The following ARNT2 variants were observed in gnomAD, a reference collection of about 807,000 sequenced individuals.
ARNT2 encodes aryl hydrocarbon receptor nuclear translocator 2, also known as ARNT protein 2.
In ARNT2, 36 loss-of-function variants were observed where a neutral mutation model predicts 91.7. That is an observed-to-expected ratio of 0.39 (90% CI 0.30 to 0.52). The LOEUF (loss-of-function observed/expected upper bound fraction) is 0.52. ARNT2 is among the 20% of genes least tolerant of loss of function. The pLI, the probability that ARNT2 is intolerant of heterozygous loss-of-function variation, is 0.72. For synonymous variants in ARNT2, 365 were observed against 347.1 expected (o/e 1.05, Z -0.57); for missense variants, 775 against 939.3 (o/e 0.83, Z 2.29).
rs746421167 is a variant in ARNT2, at chr15:80,552,703, C to T, written c.1018C>T (p.Arg340Trp). The change falls in exon 10 of 19, where the codon CGG becomes TGG. Residue 340 changes from arginine (R) to tryptophan (W), a missense_variant. Coordinates refer to ENST00000303329, the MANE Select transcript of ARNT2 (RefSeq NM_014862.4). Reference protein sequence around the residue: ...GMSVPTEFLSRHNSDGIITFV... With the variant: ...GMSVPTEFLSWHNSDGIITFV... Reference sequence around the variant, plus strand: ...GTCGGTGCCCACAGAGTTCTTATCCCGGCATAACTCCGATGGAATCATCAC... The same window carrying T: ...GTCGGTGCCCACAGAGTTCTTATCCTGGCATAACTCCGATGGAATCATCAC... The T allele has an allele frequency of 3.0e-5, 48 of 1,614,066 alleles. No homozygotes were observed. Among genetic ancestry groups the T allele is most frequent in the Non-Finnish European group, 4.0e-5 (47 of 1,179,982 alleles).
intron 1 of ARNT2, among the ~76,000 whole-genome samples, chr15:80,409,522 G>T (rs377535205): frequency 6.6e-6 from 1 of 151,686 alleles, no homozygotes; most frequent in South Asian, 2.1e-4. Flanking sequence ...CAATTATGAC[G>T]AATGAAGCTG....
At chr15:80,546,796 C>G (rs370655551) in intron 8 of ARNT2, among the ~76,000 whole-genome samples, 4 of 152,152 alleles carry the variant, frequency 2.6e-5, no homozygotes, top group African/African-American at 9.6e-5. Flanking sequence ...AACCCCGTCT[C>G]TACTAAAAAT....
chr15:80,590,518 G>A (rs928936905), intron 17 of ARNT2, among the ~76,000 whole-genome samples: 2 of 152,202 alleles, frequency 1.3e-5, no homozygotes, highest in African/African-American at 4.8e-5. Flanking sequence ...CAGGGGGACT[G>A]CATGAGGCCA....
At chr15:80,518,656 G>A (rs1378674312) in intron 8 of ARNT2, among the ~76,000 whole-genome samples, 1 of 152,136 alleles carries the variant, frequency 6.6e-6, no homozygotes, top group African/African-American at 2.4e-5. Context: ...GGGATGAGGA[G>A]TTGGGGGAGA....
intron 1 of ARNT2, among the ~76,000 whole-genome samples, chr15:80,434,854 T>C (rs1235138938): frequency 6.6e-6 from 1 of 152,080 alleles, no homozygotes; most frequent in Non-Finnish European, 1.5e-5. Flanking sequence ...TAAGAAGTGG[T>C]ACTTTCATGG....
intron 1 of ARNT2, among the ~76,000 whole-genome samples, chr15:80,441,640 G>A (rs1896191665): frequency 6.6e-6 from 1 of 152,204 alleles, no homozygotes. Context: ...ATGAAATGTA[G>A]GGAGAGCAAG....
Position 80,475,104 on chromosome 15 carries a change from C to A in ARNT2, c.503C>A (p.Thr168Asn). ...GRVIYVSDSV[T>N]PVLNQPQSEW... ...GTGATTTATGTGTCTGACTCCGTCA[C>A]CCCTGTTCTGAACCAGCCCCAGTCA... Residue 168 changes from threonine (T) to asparagine (N), a missense_variant, in exon 5 of 19, where the codon ACC (threonine) becomes AAC (asparagine). By Grantham distance (65) the Thr-to-Asn change is moderately conservative (BLOSUM62 0). Transcript: ENST00000303329. The A allele has an allele frequency of 6.2e-7, 1 of 1,614,222 alleles. No individual in the cohort carries two copies. The highest frequency in any genetic ancestry group is 8.5e-7 in the Non-Finnish European group (1 of 1,180,042).
intron 5 of ARNT2, among the ~76,000 whole-genome samples, chr15:80,506,037 T>C (rs894900806): frequency 2.0e-5 from 3 of 148,434 alleles, no homozygotes; most frequent in Admixed American, 6.8e-5. Context: ...CCCGGGTTCA[T>C]GCCATTCTCC....
chr15:80,589,053 T>A (rs1297090844), intron 17 of ARNT2, among the ~76,000 whole-genome samples: 3 of 152,202 alleles, frequency 2.0e-5, no homozygotes, highest in Non-Finnish European at 4.4e-5. Context: ...CCTTCTTGTT[T>A]GTTGACGAGA....
At chr15:80,424,952 A>G (rs1405999206) in intron 1 of ARNT2, among the ~76,000 whole-genome samples, 1 of 152,240 alleles carries the variant, frequency 6.6e-6, no homozygotes, top group East Asian at 1.9e-4. Flanking sequence ...CTTGTGCAAA[A>G]TAAATCCTTT....
intron 8 of ARNT2, among the ~76,000 whole-genome samples, chr15:80,547,230 A>T (rs1303476268): frequency 6.6e-6 from 1 of 152,184 alleles, no homozygotes; most frequent in East Asian, 1.9e-4. Flanking sequence ...GATGGCGTAA[A>T]AAGCATTGGT....
chr15:80,484,713 G>A (rs1363197230), intron 5 of ARNT2, among the ~76,000 whole-genome samples: 1 of 152,244 alleles, frequency 6.6e-6, no homozygotes, highest in Admixed American at 6.5e-5. Flanking sequence ...AGGAGTCAGA[G>A]TGGTGCTTTT....
intron 1 of ARNT2, among the ~76,000 whole-genome samples, chr15:80,405,396 A>C (rs1895584432): frequency 6.6e-6 from 1 of 152,130 alleles, no homozygotes; most frequent in Admixed American, 6.6e-5. Context: ...TGGGCACGGC[A>C]GGTTGCTGGG....
intron 1 of ARNT2, among the ~76,000 whole-genome samples, chr15:80,429,287 C>T (rs1895975958): frequency 6.6e-6 from 1 of 152,176 alleles, no homozygotes; most frequent in Non-Finnish European, 1.5e-5. Context: ...TTCAGCCCCA[C>T]CCCTGACCTC....
intron 17 of ARNT2, among the ~76,000 whole-genome samples, chr15:80,587,935 C>G (rs1400902787): frequency 2.0e-5 from 3 of 152,176 alleles, no homozygotes; most frequent in Admixed American, 2.0e-4. Context: ...GATCTTCATG[C>G]CAACATCCAG....
intron 2 of ARNT2, among the ~76,000 whole-genome samples, chr15:80,453,964 C>T (rs952318926): frequency 6.6e-6 from 1 of 152,186 alleles, no homozygotes; most frequent in African/African-American, 2.4e-5. Context: ...GTTCCAAAGC[C>T]AATTAGAACC....
At chr15:80,561,759 C>T (rs949042537) in intron 11 of ARNT2, among the ~76,000 whole-genome samples, 1 of 152,178 alleles carries the variant, frequency 6.6e-6, no homozygotes, top group Non-Finnish European at 1.5e-5. Context: ...CCAGTAGTCT[C>T]TTAGCCACCT....
chr15:80,452,600 C>A (rs1896414168), intron 2 of ARNT2, among the ~76,000 whole-genome samples: 1 of 152,188 alleles, frequency 6.6e-6, no homozygotes, highest in African/African-American at 2.4e-5. Flanking sequence ...CTCGCATTCC[C>A]TGAGGACAGA....
intron 8 of ARNT2, among the ~76,000 whole-genome samples, chr15:80,542,883 G>A (rs191610187): frequency 7.5e-4 from 114 of 151,932 alleles, no homozygotes; most frequent in African/African-American, 2.6e-3. Context: ...CCTAAGTATG[G>A]CAAAAGCGCA....
Sources: gnomAD v4.1 joint callset for allele counts (sites outside exome capture counted in the v4.1 genomes callset) on GRCh38, gnomAD v4.1.1 for gene constraint, MANE v1.5 for transcripts, NCBI Gene and HGNC (gene_info 2026-07-23, HGNC 2026-07-21) for gene names.